Variants in KIF24 observed in about 807,000 individuals in gnomAD.
The protein encoded by KIF24 is kinesin-like protein KIF24.
Under a neutral mutation model 118.9 loss-of-function variants are expected in KIF24, and 81 were observed. The observed-to-expected ratio is 0.68, with a 90% confidence interval of 0.57 to 0.82. The LOEUF (loss-of-function observed/expected upper bound fraction) is 0.82, where lower values mean the gene tolerates loss of function less well. Among genes scored for constraint, KIF24 ranks in the 40% least tolerant of loss-of-function variants. The pLI is 0.00. For missense variants in KIF24, 1,560 were observed against 1,661.6 expected, an observed-to-expected ratio of 0.94 and a Z score of 1.06; for synonymous variants, 599 against 610.0, an observed-to-expected ratio of 0.98 and a Z score of 0.27.
rs1316981361 is a variant in KIF24, at chr9:34,256,750, C to T, written c.2857G>A (p.Gly953Ser). ...CTGAGATCAAAGGAAGAGCCTCCACCTCTTTCCTGTCTATATATGAAATCT... is the reference window on the plus strand; with the variant it reads ...CTGAGATCAAAGGAAGAGCCTCCACTTCTTTCCTGTCTATATATGAAATCT... ...QVDFIYRQERGGGSSFDLRKD... is the reference protein window; with the variant it reads ...QVDFIYRQERSGGSSFDLRKD... The change falls in exon 11 of 13, where the codon GGT becomes AGT. Residue 953 changes from glycine (G) to serine (S), a missense_variant. Physicochemically the swap from Gly to Ser is moderately conservative, Grantham distance 56. Around this residue, in one of 3 missense-constraint regions of KIF24, gnomAD observed 591 missense variants for 655.6 expected, o/e 0.90. Coordinates refer to ENST00000402558, the MANE Select transcript of KIF24 (RefSeq NM_194313.4). 2 of 1,614,024 alleles carry T rather than the reference C, an allele frequency of 1.2e-6. No individual in the cohort carries two copies. Among genetic ancestry groups the T allele is most frequent in the African/African-American group, 1.3e-5 (1 of 75,062 alleles).
intron 3 of KIF24, among the ~76,000 whole-genome samples, chr9:34,303,575 C>T (rs1233724414): frequency 1.3e-5 from 2 of 152,090 alleles, no homozygotes; most frequent in Admixed American, 1.3e-4. Flanking sequence ...TCAGGCCAGG[C>T]GTGGTGGCTC....
chr9:34,254,383 A>C lies in KIF24; in HGVS notation c.4104T>G (p.Ser1368=). The C allele has an allele frequency of 6.2e-7, 1 of 1,612,772 alleles. No homozygotes were observed. Among genetic ancestry groups the C allele is most frequent in the Non-Finnish European group, 8.5e-7 (1 of 1,179,706 alleles). The part of the protein sequence containing the change: ...PTAAPEGTVP[S] ...CATCTCGGCACAGGGTCTGGCTCTAAGACGGCACTGTTCCCTCAGGGGCTG... is the reference window on the plus strand; with the variant it reads ...CATCTCGGCACAGGGTCTGGCTCTACGACGGCACTGTTCCCTCAGGGGCTG... The change falls in exon 13 of 13, where the codon TCT becomes TCG. Residue 1368 remains serine (S), a synonymous_variant. Coordinates refer to ENST00000402558, the MANE Select transcript of KIF24 (RefSeq NM_194313.4).
chr9:34,326,275 C>T (rs1453133341), intron 1 of KIF24, among the ~76,000 whole-genome samples: 1 of 152,058 alleles, frequency 6.6e-6, no homozygotes, highest in African/African-American at 2.4e-5. Context: ...TTGCTTGGGC[C>T]TGGGAGTCAG....
Position 34,256,859 on chromosome 9 carries a change from G to T in KIF24, c.2748C>A (p.Pro916=). 6.2e-7 allele frequency: 1 copy of T among 1,613,926 alleles called. No homozygotes were observed. Among genetic ancestry groups the T allele is most frequent in the African/African-American group, 1.3e-5 (1 of 75,044 alleles). ...TAGAGTTCTCTCTGCTCCAGTCCAC[G>T]GGCCCCTTACTTGGGCTGCAGCTGT... ...LDHSCSPSKG[P]VDWSRENSTS... Residue 916 remains proline (P), a synonymous_variant, in exon 11 of 13, where the codon CCC becomes CCA. Transcript: ENST00000402558.
chr9:34,260,951 G>A (rs1051932930), intron 9 of KIF24, among the ~76,000 whole-genome samples: 3 of 152,046 alleles, frequency 2.0e-5, no homozygotes, highest in South Asian at 2.1e-4. Flanking sequence ...CGGCCTGGGC[G>A]ACAGAGTGAG....
chr9:34,288,186 A>T (rs367792040), intron 5 of KIF24, among the ~76,000 whole-genome samples: 5 of 152,148 alleles, frequency 3.3e-5, no homozygotes, highest in African/African-American at 1.2e-4. Context: ...TATAGAAAAT[A>T]AATCTTATTT....
chr9:34,279,937 T>C (rs181660873), intron 6 of KIF24, among the ~76,000 whole-genome samples: 1 of 152,330 alleles, frequency 6.6e-6, no homozygotes, highest in African/African-American at 2.4e-5. Context: ...GGCGATAATA[T>C]GTTGACTAAC....
intron 6 of KIF24, among the ~76,000 whole-genome samples, chr9:34,276,159 T>A (rs1166313709): frequency 6.6e-6 from 1 of 152,106 alleles, no homozygotes; most frequent in South Asian, 2.1e-4. Context: ...TCCGAGCACT[T>A]TGGGAGGCTG....
rs1386843560 is a variant in KIF24, at chr9:34,256,366, C to G, written c.3241G>C (p.Val1081Leu). 2 of 1,613,852 alleles carry G rather than the reference C, an allele frequency of 1.2e-6. No homozygotes were observed. Among genetic ancestry groups the G allele is most frequent in the Non-Finnish European group, 8.5e-7 (1 of 1,179,892 alleles). Residue 1081 changes from valine (V) to leucine (L), a missense_variant, in exon 11 of 13, where the codon GTG (valine) becomes CTG (leucine). Val to Leu is a conservative substitution (Grantham distance 32, BLOSUM62 1). Around this residue, in one of 3 missense-constraint regions of KIF24, gnomAD observed 591 missense variants for 655.6 expected, o/e 0.90. Transcript: ENST00000402558. ...ACTGGGCCCCCTGTGCTCTCTGCCA[C>G]TAGACTGTGCGTAGCCCCATCCTGG... ...LVQDGATHSL[V>L]AESTGGPVVS...
intron 7 of KIF24, among the ~76,000 whole-genome samples, chr9:34,270,220 GAAAA>G (rs1199072244): frequency 3.3e-5 from 3 of 91,050 alleles, no homozygotes; most frequent in African/African-American, 1.2e-4. Context: ...TCCATCTCAA[GAAAA>G]AAAAAAAATT....
chr9:34,319,324 C>T (rs1028666807), intron 1 of KIF24: 22 of 912,170 alleles, frequency 2.4e-5, no homozygotes, highest in East Asian at 4.8e-5. Flanking sequence ...CTTGCCCAAG[C>T]GGGTGGTGGA....
intron 1 of KIF24, among the ~76,000 whole-genome samples, chr9:34,325,822 A>C (rs1837655454): frequency 6.6e-6 from 1 of 152,242 alleles, no homozygotes; most frequent in Admixed American, 6.5e-5. Context: ...AACGGGTGGT[A>C]GAAACTATTT....
chr9:34,282,943 T>G (rs987901694), intron 6 of KIF24, among the ~76,000 whole-genome samples: 5 of 145,908 alleles, frequency 3.4e-5, no homozygotes, highest in African/African-American at 1.3e-4. Flanking sequence ...TCCCAGCCAC[T>G]CAGGAGGTTG....
chr9:34,332,442 G>T (rs775227887), upstream of KIF24, among the ~76,000 whole-genome samples: 1 of 152,206 alleles, frequency 6.6e-6, no homozygotes, highest in Non-Finnish European at 1.5e-5. Flanking sequence ...TCTCTAGGAA[G>T]TTGGTGCTTG....
At chr9:34,301,853 C>T (rs1287851257) in intron 3 of KIF24, among the ~76,000 whole-genome samples, 1 of 151,570 alleles carries the variant, frequency 6.6e-6, no homozygotes, top group Non-Finnish European at 1.5e-5. Flanking sequence ...ATTAAAAAAC[C>T]AAAATTACAA....
At chr9:34,306,637 C>T (rs528505007) in intron 2 of KIF24, among the ~76,000 whole-genome samples, 196 bp from the exon 3 acceptor site, 2 of 152,196 alleles carry the variant, frequency 1.3e-5, no homozygotes, top group African/African-American at 2.4e-5. Flanking sequence ...CCCATCTCTA[C>T]TAAAAATACA....
Position 34,318,544 on chromosome 9 carries a change from C to T in KIF24, c.-25-7173G>A, listed in dbSNP as rs1837404651. The T allele has an allele frequency of 3.8e-6, 4 of 1,065,884 alleles. No homozygotes were observed. Among genetic ancestry groups the T allele is most frequent in the East Asian group, 2.4e-5 (1 of 41,256 alleles). The allele number at this position is 1,065,884 out of a possible 1,614,324, so 66.0% of individuals were successfully genotyped here. A position where few individuals can be genotyped will look rare whatever the true frequency, so the allele number is the denominator to read the frequency against. ...AGGCAGCCACGCTGGCCGAACACAG[C>T]GCCGGCCTGGCCTTCAGCCTGTACC... On this transcript the variant is annotated intron_variant, in intron 1 of 12. Transcript: ENST00000402558. The surrounding 1 kb of genome is among the most constrained non-coding windows in gnomAD (Gnocchi z 4.9).
intron 1 of KIF24, among the ~76,000 whole-genome samples, chr9:34,315,321 T>C (rs1338764512): frequency 6.6e-6 from 1 of 152,174 alleles, no homozygotes; most frequent in Non-Finnish European, 1.5e-5. Context: ...CTTGGTGTCT[T>C]TCTAGCCTTT....
At chr9:34,307,860 G>GAAAAAAAAAAAA (rs57149308) in intron 2 of KIF24, among the ~76,000 whole-genome samples, 3 of 113,988 alleles carry the variant, frequency 2.6e-5, no homozygotes, top group African/African-American at 3.6e-5. Context: ...GACTCTGTCT[G>GAAAAAAAAAAAA]AAAAAAAAAA....
Sources: gnomAD v4.1 joint callset for allele counts (sites outside exome capture counted in the v4.1 genomes callset) on GRCh38, gnomAD v4.1.1 for gene constraint, gnomAD v4.1.1 regional missense constraint, Gnocchi (gnomAD v3.1) non-coding constraint, MANE v1.5 for transcripts, NCBI Gene and HGNC (gene_info 2026-07-23, HGNC 2026-07-21) for gene names.